PDGFD: variants seen among roughly 807,000 people sequenced by gnomAD.
The protein encoded by PDGFD is platelet derived growth factor D, also known as platelet-derived growth factor D.
PDGFD carries 30 observed loss-of-function variants against 44.7 expected under a neutral mutation model. The observed-to-expected ratio is 0.67, with a 90% confidence interval of 0.50 to 0.91. The LOEUF is 0.91. PDGFD is among the 40% of genes least tolerant of loss of function. PDGFD has a pLI of 0.00. For synonymous variants in PDGFD, 173 were observed against 168.4 expected, an observed-to-expected ratio of 1.03 and a Z score of -0.21; for missense variants, 445 against 457.8, an observed-to-expected ratio of 0.97 and a Z score of 0.25.
intron 1 of PDGFD, among the ~76,000 whole-genome samples, chr11:104,131,801 T>TA (rs55959221): frequency 0.33 from 23,105 of 70,530 alleles, 4,388 homozygotes; most frequent in Non-Finnish European, 0.4. Flanking sequence ...CAATGAACTG[T>TA]AAAAAAAAAA....
At chr11:104,037,589 A>C in intron 1 of PDGFD, 1 of 1,614,108 alleles carries the variant, frequency 6.2e-7, no homozygotes, top group Non-Finnish European at 8.5e-7. Flanking sequence ...CATCCTTTGA[A>C]GGCTTTTGTT....
intron 3 of PDGFD, among the ~76,000 whole-genome samples, chr11:103,978,469 T>C (rs1397165152): frequency 6.6e-6 from 1 of 152,064 alleles, no homozygotes; most frequent in Non-Finnish European, 1.5e-5. Flanking sequence ...AAGATGTCTC[T>C]TTTTATGGGA....
At chr11:104,136,579 CT>C (rs1862007815) in intron 1 of PDGFD, among the ~76,000 whole-genome samples, 2 of 152,148 alleles carry the variant, frequency 1.3e-5, no homozygotes, top group Non-Finnish European at 2.9e-5. Context: ...GGGATTTCTG[CT>C]TGATTTTTCT....
intron 1 of PDGFD, among the ~76,000 whole-genome samples, chr11:104,099,203 T>C (rs924277053): frequency 6.6e-6 from 1 of 152,184 alleles, no homozygotes; most frequent in Non-Finnish European, 1.5e-5. Context: ...GTCTTGACAG[T>C]AGGAAGGACC....
At chr11:104,156,634 C>CA (rs968690872) in intron 1 of PDGFD, among the ~76,000 whole-genome samples, 2 of 151,678 alleles carry the variant, frequency 1.3e-5, no homozygotes, top group Non-Finnish European at 2.9e-5. Flanking sequence ...CCCCACAAAT[C>CA]AAAAAAACAC....
chr11:103,986,241 C>T (rs969722024), intron 3 of PDGFD, among the ~76,000 whole-genome samples: 11 of 152,124 alleles, frequency 7.2e-5, no homozygotes, highest in Admixed American at 7.2e-4. Flanking sequence ...CTCTGAAGTT[C>T]ATGGGATCTT....
chr11:104,088,148 G>T (rs1253016902), intron 1 of PDGFD, among the ~76,000 whole-genome samples: 1 of 152,176 alleles, frequency 6.6e-6, no homozygotes, highest in Non-Finnish European at 1.5e-5. Context: ...TTCCTTTAAT[G>T]CAGGGTTTAT....
At chr11:104,148,979 G>A (rs1403171915) in intron 1 of PDGFD, among the ~76,000 whole-genome samples, 1 of 152,006 alleles carries the variant, frequency 6.6e-6, no homozygotes. Context: ...ATAACTTCAT[G>A]TATTTATTTT....
chr11:104,093,480 C>T (rs1861239942), intron 1 of PDGFD, among the ~76,000 whole-genome samples: 1 of 152,124 alleles, frequency 6.6e-6, no homozygotes, highest in Non-Finnish European at 1.5e-5. Context: ...GGGCAAACTT[C>T]TGCTCCTCCT....
In PDGFD at chr11:104,068,830, CTG is replaced by C. The variant is rs557807826; in HGVS notation, c.125-68577_125-68576del. 1.5e-3 allele frequency among the ~76,000 whole-genome samples: 221 copies of C among 152,054 alleles called. 2 individuals carry two copies. Among genetic ancestry groups the C allele is most frequent in the Middle Eastern group, 6.8e-3 (2 of 294 alleles). On this transcript the variant is annotated intron_variant, in intron 1 of 6. Coordinates refer to ENST00000393158, the MANE Select transcript of PDGFD (RefSeq NM_025208.5). ...CTCTCTCCCTTTCTCACATATGCCT[CTG>C]TGTGTGTGTCTGCGTGTGTATTTTT...
intron 1 of PDGFD, chr11:104,037,122 G>A (rs1358011324): frequency 6.2e-7 from 1 of 1,613,810 alleles, no homozygotes; most frequent in Non-Finnish European, 8.5e-7. Context: ...GTGGCATTGC[G>A]GTGCCTGGGA....
At chr11:104,046,604 G>C (rs1860445129) in intron 1 of PDGFD, among the ~76,000 whole-genome samples, 1 of 147,256 alleles carries the variant, frequency 6.8e-6, no homozygotes, top group Admixed American at 6.8e-5. Flanking sequence ...TATCTGGTTT[G>C]CAAATGTCTT....
chr11:103,935,483 G>GA (rs1335561977), intron 5 of PDGFD, among the ~76,000 whole-genome samples: 2 of 152,042 alleles, frequency 1.3e-5, no homozygotes, highest in Non-Finnish European at 2.9e-5. Flanking sequence ...AAGCTTAGCA[G>GA]AAAAAACATC....
intron 1 of PDGFD, among the ~76,000 whole-genome samples, chr11:104,116,524 A>G (rs1407453972): frequency 6.6e-6 from 1 of 152,082 alleles, no homozygotes; most frequent in African/African-American, 2.4e-5. Context: ...ATCCTCCCTA[A>G]GTCATTCTAT....
At chr11:104,079,922 T>G (rs958144702) in intron 1 of PDGFD, among the ~76,000 whole-genome samples, 3 of 152,214 alleles carry the variant, frequency 2.0e-5, no homozygotes, top group Admixed American at 2.0e-4. Flanking sequence ...GCAATGAAAC[T>G]CTATAAATTT....
chr11:104,089,855 G>T (rs560472688), intron 1 of PDGFD, among the ~76,000 whole-genome samples: 1 of 152,218 alleles, frequency 6.6e-6, no homozygotes, highest in South Asian at 2.1e-4. Flanking sequence ...ACTACTTATT[G>T]ATAACATACT....
intron 5 of PDGFD, among the ~76,000 whole-genome samples, chr11:103,932,685 A>T (rs1198189969): frequency 6.6e-6 from 1 of 152,216 alleles, no homozygotes; most frequent in Non-Finnish European, 1.5e-5. Flanking sequence ...GTGCTGCTGA[A>T]GGAAGCACAA....
At chr11:103,924,446 G>A (rs1295491879) in intron 6 of PDGFD, among the ~76,000 whole-genome samples, 1 of 152,196 alleles carries the variant, frequency 6.6e-6, no homozygotes, top group Admixed American at 6.5e-5. Flanking sequence ...GAACATAGAT[G>A]ATAGCATTCT....
intron 1 of PDGFD, among the ~76,000 whole-genome samples, chr11:104,116,522 T>C (rs1861640472): frequency 6.6e-6 from 1 of 150,760 alleles, no homozygotes; most frequent in Admixed American, 6.6e-5. Flanking sequence ...AAATCCTCCC[T>C]AAGTCATTCT....
Sources: allele counts gnomAD v4.1 joint callset (sites outside exome capture counted in the v4.1 genomes callset), GRCh38; gene constraint gnomAD v4.1.1; transcripts MANE v1.5; gene names NCBI Gene and HGNC (gene_info 2026-07-23, HGNC 2026-07-21).